Variants in HK1 observed in about 807,000 individuals in gnomAD.
HK1 encodes hexokinase-1.
A neutral mutation model predicts 91.6 loss-of-function variants in HK1; 28 were observed. The ratio of observed to expected loss-of-function variants is 0.31; its 90% CI spans 0.23 to 0.42. HK1 has a LOEUF of 0.42. Among genes scored for constraint, HK1 ranks in the 10% least tolerant of loss-of-function variants. The probability of loss-of-function intolerance (pLI) is 1.00; values close to 1 mark genes in which losing one functional copy is unlikely to be tolerated. For missense variants in HK1, 770 were observed against 1,219.8 expected (o/e 0.63, Z 5.49); for synonymous variants, 430 against 468.1 (o/e 0.92, Z 1.05).
At chr10:69,324,418 C>T (rs1360508610) in intron 1 of HK1, among the ~76,000 whole-genome samples, 1 of 151,786 alleles carries the variant, frequency 6.6e-6, no homozygotes, top group Non-Finnish European at 1.5e-5. Context: ...TGGTGAAACC[C>T]CGTCTCTACT....
intron 1 of HK1, among the ~76,000 whole-genome samples, chr10:69,326,315 G>A (rs1847374092): frequency 6.6e-6 from 1 of 152,120 alleles, no homozygotes; most frequent in Non-Finnish European, 1.5e-5. Context: ...AAAAGCCTCA[G>A]CGAGGTTGTC....
chr10:69,358,305 C>A (rs1849235027), intron 2 of HK1, among the ~76,000 whole-genome samples: 1 of 152,204 alleles, frequency 6.6e-6, no homozygotes, highest in Admixed American at 6.5e-5. Flanking sequence ...TGGAACTTTG[C>A]CCATGGCCGC....
chr10:69,320,887 C>G (rs968302187), intron 1 of HK1, among the ~76,000 whole-genome samples: 1 of 152,084 alleles, frequency 6.6e-6, no homozygotes, highest in Non-Finnish European at 1.5e-5. Context: ...GTGGGTGGCT[C>G]AATTCACATC....
At chr10:69,394,047 C>T (rs1220239357) in intron 15 of HK1, among the ~76,000 whole-genome samples, 1 of 152,212 alleles carries the variant, frequency 6.6e-6, no homozygotes, top group Non-Finnish European at 1.5e-5. Flanking sequence ...AGTGGTGGCC[C>T]ACCCCTCTGT....
At position 69,394,034 on chromosome 10, in the gene HK1, C is replaced by T. The variant is rs574620936; in HGVS notation, c.2220-916C>T. ...GAATGAGAAGGACTGGGTGGGACTT[C>T]GTAGTGGTGGCCCACCCCTCTGTGA... On this transcript the variant is annotated intron_variant, in intron 15 of 17. Coordinates refer to ENST00000359426, the MANE Select transcript of HK1 (RefSeq NM_000188.3). Among the ~76,000 whole-genome samples the T allele has an allele frequency of 3.3e-4, 50 of 152,344 alleles. 1 individual carries two copies. The highest frequency in any genetic ancestry group is 1.9e-4 in the Non-Finnish European group (13 of 68,030).
At chr10:69,337,055 C>T (rs1006393669) in intron 1 of HK1, among the ~76,000 whole-genome samples, 3 of 152,122 alleles carry the variant, frequency 2.0e-5, no homozygotes, top group African/African-American at 7.2e-5. Flanking sequence ...TGTTTCTGCA[C>T]ATTAAAATCC....
chr10:69,299,492 G>A (rs7095579), intron 4 of HK1, among the ~76,000 whole-genome samples: 15,510 of 148,704 alleles, frequency 0.1, 1,473 homozygotes, highest in East Asian at 0.48. Flanking sequence ...TCAGCCTCCC[G>A]AGTAGTTGGG....
At chr10:69,284,134 T>C (rs956938081) in intron 2 of HK1, among the ~76,000 whole-genome samples, 28 of 152,150 alleles carry the variant, frequency 1.8e-4, no homozygotes, top group Non-Finnish European at 1.5e-5. Context: ...CCTCAGGGTT[T>C]GGGACTGATG....
intron 1 of HK1, among the ~76,000 whole-genome samples, chr10:69,328,782 G>C (rs10998719): frequency 2.0e-5 from 3 of 151,928 alleles, no homozygotes; most frequent in African/African-American, 7.3e-5. Context: ...AAAACTACCC[G>C]TTAGCAGTCA....
chr10:69,312,115 C>G (rs141262248), upstream of HK1, among the ~76,000 whole-genome samples: 3 of 152,276 alleles, frequency 2.0e-5, no homozygotes, highest in South Asian at 2.1e-4. Context: ...CTTCCCCCTC[C>G]GTGAATTTGC....
chr10:69,287,134 G>A (rs961874767), intron 2 of HK1, among the ~76,000 whole-genome samples: 3 of 152,186 alleles, frequency 2.0e-5, no homozygotes, highest in Non-Finnish European at 4.4e-5. Flanking sequence ...CCGAGACTGG[G>A]TAATTTAAAA....
chr10:69,364,883 A>T lies in HK1; in HGVS notation c.476A>T (p.Gln159Leu), dbSNP rs1472387025. 2 of 1,614,064 alleles carry T rather than the reference A, an allele frequency of 1.2e-6. No homozygotes were observed. Among genetic ancestry groups the T allele is most frequent in the Non-Finnish European group, 1.7e-6 (2 of 1,180,044 alleles). The change falls in exon 4 of 18, where the codon CAA becomes CTA. Residue 159 changes from glutamine (Q) to leucine (L), a missense_variant. Coordinates refer to ENST00000359426, the MANE Select transcript of HK1 (RefSeq NM_000188.3). Reference sequence around the variant, plus strand: ...GGATTCACGTTTTCTTTTCCTTGCCAACAATCCAAAATAGATGAGGTAAGG... The same window carrying T: ...GGATTCACGTTTTCTTTTCCTTGCCTACAATCCAAAATAGATGAGGTAAGG... The part of the protein sequence containing the change: ...PVGFTFSFPC[Q>L]QSKIDEAILI...
intron 1 of HK1, among the ~76,000 whole-genome samples, chr10:69,275,138 TCCTAACCA>T (rs1844370293): frequency 6.6e-6 from 1 of 151,744 alleles, no homozygotes; most frequent in Non-Finnish European, 1.5e-5. Context: ...ACATCCTATA[TCCTAACCA>T]CCAATTCTAA....
rs182819901 is a variant in HK1 at position 69,341,452 on chromosome 10, C to T, written c.64-2375C>T. 7.9e-5 allele frequency among the ~76,000 whole-genome samples: 12 copies of T among 151,576 alleles called. No homozygotes were observed. In the East Asian group the frequency reaches 2.3e-3, roughly 29 times the overall value. The stretch of plus-strand genomic sequence containing the variant: ...TTGGGATTACAGGTGTGGGCCACTG[C>T]TCCTGGCCAATTGTTAATTTTTTTT... On this transcript the variant is annotated intron_variant, in intron 1 of 17. Transcript: ENST00000359426.
chr10:69,275,531 G>C (rs1270663189), intron 1 of HK1, among the ~76,000 whole-genome samples: 6 of 152,154 alleles, frequency 3.9e-5, no homozygotes, highest in Admixed American at 3.3e-4. Context: ...TAAAGGGCCA[G>C]GCAGTCACAA....
At chr10:69,351,765 C>T (rs1258233690) in intron 2 of HK1, among the ~76,000 whole-genome samples, 4 of 152,178 alleles carry the variant, frequency 2.6e-5, no homozygotes, top group African/African-American at 9.7e-5. Flanking sequence ...AGTTATCTAA[C>T]CCCTCTTTAC....
intron 5 of HK1, chr10:69,300,878 G>T: frequency 7.5e-7 from 1 of 1,338,480 alleles, no homozygotes; most frequent in Non-Finnish European, 1.1e-6. Context: ...AGAAAATCCT[G>T]GAATACCCAC....
chr10:69,312,635 G>A (rs114693298), upstream of HK1, among the ~76,000 whole-genome samples: 1,305 of 152,212 alleles, frequency 8.6e-3, 15 homozygotes, highest in African/African-American at 0.029. Context: ...GAAGGGATCA[G>A]AGAATTGAGA....
In HK1 at chr10:69,304,399, C is replaced by G. The variant is rs568040202; in HGVS notation, c.27+3538C>G. Reference sequence around the variant, plus strand: ...CTCGGCTCACTGCAACCTCTGCCTCCTGGATTCAAGCGATTCTCCTGCCTC... The same window carrying G: ...CTCGGCTCACTGCAACCTCTGCCTCGTGGATTCAAGCGATTCTCCTGCCTC... On this transcript the variant is annotated intron_variant, in intron 5 of 21. Transcript: ENST00000360289. Among the ~76,000 whole-genome samples, 384 of 152,148 alleles carry G rather than the reference C, an allele frequency of 2.5e-3. 2 individuals carry two copies. The highest frequency in any genetic ancestry group is 9.0e-3 in the African/African-American group (373 of 41,492).
Sources: allele counts gnomAD v4.1 joint callset (sites outside exome capture counted in the v4.1 genomes callset), GRCh38; gene constraint gnomAD v4.1.1; transcripts MANE v1.5; gene names NCBI Gene and HGNC (gene_info 2026-07-23, HGNC 2026-07-21).